MAGI2: variants seen among roughly 807,000 people sequenced by gnomAD.
MAGI2 encodes the protein membrane associated guanylate kinase, WW and PDZ domain containing 2, also known as membrane-associated guanylate kinase, WW and PDZ domain-containing protein 2.
A neutral mutation model predicts 133.3 loss-of-function variants in MAGI2; 35 were observed. The observed-to-expected ratio is 0.26, with a 90% confidence interval of 0.20 to 0.35. The LOEUF (loss-of-function observed/expected upper bound fraction) is 0.35. Ranked by LOEUF, MAGI2 falls within the 10% of genes least tolerant of loss-of-function variation. MAGI2 has a pLI of 1.00. For synonymous variants in MAGI2, 729 were observed against 710.6 expected (o/e 1.03, Z -0.41); for missense variants, 1,636 against 1,863.4 (o/e 0.88, Z 2.25).
chr7:78,412,712 T>C (rs1166643568), intron 6 of MAGI2, among the ~76,000 whole-genome samples: 1 of 152,064 alleles, frequency 6.6e-6, no homozygotes, highest in Non-Finnish European at 1.5e-5. Flanking sequence ...ATCCAAGTTG[T>C]GTATGTACAA....
intron 16 of MAGI2, among the ~76,000 whole-genome samples, chr7:78,158,547 C>T (rs1563195114): frequency 6.6e-6 from 1 of 152,006 alleles, no homozygotes; most frequent in Admixed American, 6.6e-5. Flanking sequence ...CTGCCTTTGC[C>T]AAATTGTAAC....
At chr7:78,624,951 A>C (rs1030605038) in intron 3 of MAGI2, among the ~76,000 whole-genome samples, 2 of 152,198 alleles carry the variant, frequency 1.3e-5, no homozygotes, top group South Asian at 4.1e-4. Flanking sequence ...AGCCTCGGGC[A>C]GGTCCTTAGG....
chr7:79,392,807 T>C (rs1277008259), intron 1 of MAGI2, among the ~76,000 whole-genome samples: 4 of 152,218 alleles, frequency 2.6e-5, no homozygotes, highest in African/African-American at 9.6e-5. Context: ...GCACCTCCTT[T>C]TTCACTTATA....
intron 9 of MAGI2, among the ~76,000 whole-genome samples, chr7:78,257,981 G>C (rs571205327): frequency 2.6e-5 from 4 of 152,294 alleles, no homozygotes; most frequent in South Asian, 4.1e-4. Context: ...CTGGTCTTTT[G>C]TAGGTGTATA....
At chr7:79,016,643 A>C (rs1280608482) in intron 1 of MAGI2, among the ~76,000 whole-genome samples, 1 of 152,096 alleles carries the variant, frequency 6.6e-6, no homozygotes, top group Admixed American at 6.5e-5. Flanking sequence ...CTTCCCTGCC[A>C]GATGCGTGTG....
intron 1 of MAGI2, among the ~76,000 whole-genome samples, chr7:79,266,704 C>T (rs1834485485): frequency 1.3e-5 from 2 of 152,004 alleles, no homozygotes; most frequent in South Asian, 4.1e-4. Context: ...TTAAACTGCC[C>T]CATACTCGGG....
chr7:78,778,427 T>C (rs1181581555), intron 2 of MAGI2, among the ~76,000 whole-genome samples: 2 of 152,250 alleles, frequency 1.3e-5, no homozygotes, highest in African/African-American at 4.8e-5. Flanking sequence ...GTATGTGTTA[T>C]CTAAAGTAGG....
chr7:79,112,957 C>T (rs1346753653), intron 1 of MAGI2, among the ~76,000 whole-genome samples: 1 of 152,032 alleles, frequency 6.6e-6, no homozygotes, highest in East Asian at 1.9e-4. Flanking sequence ...AGTACATGAA[C>T]TTTAAACATT....
chr7:78,575,896 C>T (rs902933844), intron 3 of MAGI2, among the ~76,000 whole-genome samples: 8 of 151,944 alleles, frequency 5.3e-5, no homozygotes, highest in African/African-American at 1.9e-4. Flanking sequence ...TAGGTAAAAA[C>T]AAAAGAAATG....
chr7:78,908,896 G>A (rs1185900289), intron 2 of MAGI2, among the ~76,000 whole-genome samples: 1 of 152,146 alleles, frequency 6.6e-6, no homozygotes, highest in Non-Finnish European at 1.5e-5. Context: ...TCGGGACATA[G>A]GCATGGGCAA....
chr7:79,397,906 T>C (rs6945489), intron 1 of MAGI2, among the ~76,000 whole-genome samples: 3,227 of 152,244 alleles, frequency 0.021, 101 homozygotes, highest in African/African-American at 0.075. Flanking sequence ...TATCATATAG[T>C]TTCAAATTTT....
intron 2 of MAGI2, among the ~76,000 whole-genome samples, chr7:78,874,170 A>C (rs1046790261): frequency 6.6e-6 from 1 of 152,176 alleles, no homozygotes; most frequent in Admixed American, 6.5e-5. Flanking sequence ...CTATGAAAAC[A>C]ATTACAAAAT....
chr7:78,907,103 G>A (rs1244403164), intron 2 of MAGI2, among the ~76,000 whole-genome samples: 2 of 152,120 alleles, frequency 1.3e-5, no homozygotes, highest in African/African-American at 4.8e-5. Flanking sequence ...TGGGTGGGAG[G>A]AGGCTACTGC....
intron 1 of MAGI2, among the ~76,000 whole-genome samples, chr7:79,094,719 T>G (rs1817371216): frequency 6.6e-6 from 1 of 152,218 alleles, no homozygotes; most frequent in Non-Finnish European, 1.5e-5. Context: ...CTTGTACATC[T>G]CTACAAGAGG....
chr7:78,886,065 G>A (rs907300769), intron 2 of MAGI2, among the ~76,000 whole-genome samples: 10 of 152,304 alleles, frequency 6.6e-5, no homozygotes, highest in African/African-American at 2.4e-4. Flanking sequence ...TGAAAATAAA[G>A]GAGAAGCAGT....
At chr7:78,969,132 C>T (rs911934118) in intron 2 of MAGI2, among the ~76,000 whole-genome samples, 2 of 151,984 alleles carry the variant, frequency 1.3e-5, no homozygotes, top group Non-Finnish European at 2.9e-5. Flanking sequence ...GGGGTCATGG[C>T]GCAGGACAAG....
At chr7:79,437,681 T>G (rs1220774581) in intron 1 of MAGI2, among the ~76,000 whole-genome samples, 1 of 152,148 alleles carries the variant, frequency 6.6e-6, no homozygotes, top group East Asian at 1.9e-4. Context: ...AAATTAGCAC[T>G]TTACAGAATC....
At chr7:78,389,484 G>A (rs7794948) in intron 6 of MAGI2, among the ~76,000 whole-genome samples, 82,000 of 151,966 alleles carry the variant, frequency 0.54, 23,066 homozygotes, top group Middle Eastern at 0.66. Context: ...TGCTCAACAC[G>A]GACAAGTGTT....
chr7:79,288,282 G>A lies in MAGI2; in HGVS notation c.301+164738C>T, dbSNP rs535899877. Among the ~76,000 whole-genome samples the A allele has an allele frequency of 1.1e-4, 17 of 152,190 alleles. No individual in the cohort carries two copies. In the South Asian group the frequency reaches 3.5e-3, roughly 32 times the overall value. ...GAATTATAATAGTGTCTACCTTGCA[G>A]GGTTGTTGGAGGATTAAATGAGATA... is the stretch of plus-strand genomic sequence containing the variant. On this transcript the variant is annotated intron_variant, in intron 1 of 21. Coordinates refer to ENST00000354212, the MANE Select transcript of MAGI2 (RefSeq NM_012301.4).
Sources: gnomAD v4.1 joint callset for allele counts (sites outside exome capture counted in the v4.1 genomes callset) on GRCh38, gnomAD v4.1.1 for gene constraint, MANE v1.5 for transcripts, NCBI Gene and HGNC (gene_info 2026-07-23, HGNC 2026-07-21) for gene names.